The following PHKA2 variants were observed in gnomAD, a reference collection of about 807,000 sequenced individuals.
PHKA2 encodes the protein phosphorylase kinase regulatory subunit alpha 2.
PHKA2 carries 31 observed loss-of-function variants against 102.0 expected under a neutral mutation model. The ratio of observed to expected loss-of-function variants is 0.30; its 90% CI spans 0.23 to 0.41. PHKA2 has a LOEUF of 0.41. Among genes scored for constraint, PHKA2 ranks in the 10% least tolerant of loss-of-function variants. PHKA2 has a pLI of 1.00. For missense variants in PHKA2, 858 were observed against 1,023.1 expected (o/e 0.84, Z 2.20); for synonymous variants, 455 against 416.2 (o/e 1.09, Z -1.13).
chrX:18,913,137 G>A (rs2047957395), intron 19 of PHKA2, among the ~76,000 whole-genome samples: 1 of 110,403 alleles, frequency 9.1e-6, no homozygotes, highest in Admixed American at 9.7e-5. Flanking sequence ...CCTCTATAGG[G>A]CCCTTGCCAT....
intron 10 of PHKA2, among the ~76,000 whole-genome samples, chrX:18,936,724 T>C (rs1283761486): frequency 8.9e-6 from 1 of 112,162 alleles, no homozygotes; most frequent in Non-Finnish European, 1.9e-5. Flanking sequence ...TGGAGGTCAG[T>C]GTGTTAAGTG....
In PHKA2 at chrX:18,980,841, A is replaced by T. The variant is rs1223262368; in HGVS notation, c.78+3014T>A. 2.7e-5 allele frequency among the ~76,000 whole-genome samples: 3 copies of T among 111,624 alleles called. No individual in the cohort carries two copies. The East Asian group carries it at 8.4e-4, about 31-fold the overall frequency. ...GAAATACCCACAGGTGTGGAGGGGC[A>T]GGCCGCCCCTTCAAATGGTGATTAG... On this transcript the variant is annotated intron_variant, in intron 1 of 32. Transcript: ENST00000379942.
In PHKA2 at chrX:18,954,280, T is replaced by C. The variant is rs775331034; in HGVS notation, c.211A>G (p.Lys71Glu). The change falls in exon 2 of 33, where the codon AAG becomes GAG. Residue 71 changes from lysine (K) to glutamate (E), a missense_variant. Lys to Glu is a moderately conservative substitution (Grantham distance 56, BLOSUM62 1). Transcript: ENST00000379942. ...YRKNADRDED[K>E]AKAYELEQNV... ...TGCTCCAGCTCGTAGGCCTTGGCCTTGTCCTCATCGCGGTCTGCATTCTTA... is the reference window on the plus strand; with the variant it reads ...TGCTCCAGCTCGTAGGCCTTGGCCTCGTCCTCATCGCGGTCTGCATTCTTA... 3 of 1,211,948 alleles carry C rather than the reference T, an allele frequency of 2.5e-6. No homozygotes were observed. The highest frequency in any genetic ancestry group is 3.4e-6 in the Non-Finnish European group (3 of 895,459).
intron 12 of PHKA2, 56 bp downstream of exon 12, chrX:18,931,585 G>A: frequency 3.5e-6 from 3 of 846,183 alleles, no homozygotes; most frequent in East Asian, 3.1e-5. Context: ...CCCTTCTGGG[G>A]TTCCCTGAAC....
Position 18,894,350 on chromosome X carries a change from C to T in PHKA2, c.3391G>A (p.Val1131Met), listed in dbSNP as rs2047491945. 8.3e-7 allele frequency: 1 copy of T among 1,211,612 alleles called. No individual in the cohort carries two copies. The highest frequency in any genetic ancestry group is 1.7e-5 in the African/African-American group (1 of 57,871). Reference sequence around the variant, plus strand: ...AGCTGCCGGTACTCGGGCTGCGGCACGCGGTTCAGCACCGATTCGACATGG... The same window carrying T: ...AGCTGCCGGTACTCGGGCTGCGGCATGCGGTTCAGCACCGATTCGACATGG... ...AVHVESVLNR[V>M]PQPEYRQLLV... Residue 1131 changes from valine (V) to methionine (M), a missense_variant, in exon 32 of 33, where the codon GTG becomes ATG. Transcript: ENST00000379942.
intron 3 of PHKA2, among the ~76,000 whole-genome samples, chrX:18,952,185 C>CAAAAA (rs1282109594): frequency 1.9e-4 from 4 of 21,503 alleles, no homozygotes; most frequent in Admixed American, 1.2e-3. Context: ...ATTGTATCTA[C>CAAAAA]AAAAAAAAAA....
chrX:18,966,775 CA>C (rs2048951034), intron 1 of PHKA2, among the ~76,000 whole-genome samples: 1 of 111,843 alleles, frequency 8.9e-6, no homozygotes, highest in African/African-American at 3.3e-5. Context: ...CTAAGAATGT[CA>C]CCTCTGCCCC....
intron 21 of PHKA2, among the ~76,000 whole-genome samples, chrX:18,908,435 T>A (rs148064262): frequency 0.02 from 2,264 of 112,214 alleles, 70 homozygotes; most frequent in African/African-American, 0.07. Context: ...GTAAAGACCA[T>A]AAACTTACTG....
intron 21 of PHKA2, 42 bp from the exon 22 acceptor site, chrX:18,908,098 T>C: frequency 8.7e-7 from 1 of 1,155,938 alleles, no homozygotes. Flanking sequence ...GTCCAGAAAG[T>C]TTAGACTGGG....
chrX:18,918,376 G>A (rs1163458108), intron 19 of PHKA2, among the ~76,000 whole-genome samples: 1 of 112,412 alleles, frequency 8.9e-6, no homozygotes, highest in Non-Finnish European at 1.9e-5. Context: ...GTGGGTTAGG[G>A]GGAGTGAAGC....
intron 13 of PHKA2, 103 bp from the exon 14 acceptor site, chrX:18,926,690 G>A: frequency 1.3e-6 from 1 of 785,517 alleles, no homozygotes. Flanking sequence ...ATACACATCA[G>A]CATGCTCTTC....
intron 18 of PHKA2, among the ~76,000 whole-genome samples, chrX:18,919,728 CAAAA>C (rs56042937): frequency 3.6e-5 from 1 of 27,578 alleles, no homozygotes; most frequent in Non-Finnish European, 7.6e-5. Flanking sequence ...CAAACAACAA[CAAAA>C]AAAAAAAAAA....
chrX:18,965,986 C>T (rs1366868482), intron 1 of PHKA2, among the ~76,000 whole-genome samples: 1 of 109,306 alleles, frequency 9.1e-6, no homozygotes, highest in Non-Finnish European at 1.9e-5. Context: ...ACTTATCTGG[C>T]CTGGCCCAAG....
chrX:18,945,581 A>G (rs974681872), intron 5 of PHKA2, among the ~76,000 whole-genome samples: 1 of 112,326 alleles, frequency 8.9e-6, no homozygotes, highest in African/African-American at 3.2e-5. Context: ...AAAGCCAGCA[A>G]AAGCATTTAA....
chrX:18,949,614 T>C (rs912742176), intron 4 of PHKA2, among the ~76,000 whole-genome samples: 7 of 112,258 alleles, frequency 6.2e-5, no homozygotes, highest in African/African-American at 2.3e-4. Flanking sequence ...ACTAAAATAA[T>C]GTTTATGAAG....
Position 18,892,901 on chromosome X carries a change from T to G in PHKA2, c.*584A>C, listed in dbSNP as rs1379308546. The G allele has an allele frequency of 8.5e-6, 1 of 118,119 alleles. No homozygotes were observed. Among genetic ancestry groups the G allele is most frequent in the Non-Finnish European group, 1.8e-5 (1 of 56,449 alleles). 9.7% of individuals were successfully genotyped at this position (118,119 alleles called of 1,213,427 possible). On this transcript the variant is annotated 3_prime_UTR_variant, in exon 33 of 33. Coordinates refer to ENST00000379942, the MANE Select transcript of PHKA2 (RefSeq NM_000292.3). ...TAAATCTTGGGGACAGAGAATTATG[T>G]TACATCAAGGCAGCCATGCCAATAA...
rs771917766 is a variant in PHKA2, at chrX:18,899,241, G to A, written c.3058-15C>T. ...ACAGAAAAGAACTACAAAACAAAAA[G>A]AATCCACTCAGTTGACAGCAATGAC... On this transcript the variant is annotated splice_polypyrimidine_tract_variant and intron_variant, in intron 28 of 32. Coordinates refer to ENST00000379942, the MANE Select transcript of PHKA2 (RefSeq NM_000292.3). 1 of 1,196,018 alleles carries A rather than the reference G, an allele frequency of 8.4e-7. No homozygotes were observed. The highest frequency in any genetic ancestry group is 1.1e-6 in the Non-Finnish European group (1 of 881,441).
At chrX:18,958,009 G>A (rs1263549478) in intron 1 of PHKA2, among the ~76,000 whole-genome samples, 1 of 109,776 alleles carries the variant, frequency 9.1e-6, no homozygotes, top group Non-Finnish European at 1.9e-5. Flanking sequence ...ACAGGTGCAT[G>A]ACACCATGCA....
At chrX:18,902,383 C>T (rs748324662) in intron 26 of PHKA2, among the ~76,000 whole-genome samples, 56 of 109,228 alleles carry the variant, frequency 5.1e-4, no homozygotes, top group Non-Finnish European at 8.0e-4. Flanking sequence ...GCGATCTGCC[C>T]GCCTCAGCCT....
Sources: allele counts gnomAD v4.1 joint callset (sites outside exome capture counted in the v4.1 genomes callset), GRCh38; gene constraint gnomAD v4.1.1; transcripts MANE v1.5; gene names NCBI Gene and HGNC (gene_info 2026-07-23, HGNC 2026-07-21).